PRUNE2: variants seen among roughly 807,000 people sequenced by gnomAD.
The protein encoded by PRUNE2 is prune homolog 2 with BCH domain.
In PRUNE2, 164 loss-of-function variants were observed where a neutral mutation model predicts 252.0. That is an observed-to-expected ratio of 0.65 (90% CI 0.57 to 0.74). PRUNE2 has a LOEUF of 0.74. Among genes scored for constraint, PRUNE2 ranks in the 30% least tolerant of loss-of-function variants. The pLI is 0.00. For synonymous variants in PRUNE2, 1,292 were observed against 1,350.2 expected, an observed-to-expected ratio of 0.96 and a Z score of 0.94; for missense variants, 3,495 against 3,711.0, an observed-to-expected ratio of 0.94 and a Z score of 1.51.
intron 1 of PRUNE2, among the ~76,000 whole-genome samples, chr9:76,890,774 TCA>T (rs2062423642): frequency 6.7e-6 from 1 of 148,370 alleles, no homozygotes; most frequent in Non-Finnish European, 1.5e-5. Flanking sequence ...AAAAAAAAAA[TCA>T]TATTAAGTTT....
intron 6 of PRUNE2, among the ~76,000 whole-genome samples, chr9:76,781,867 G>GAGTC (rs2054441865): frequency 6.6e-6 from 1 of 152,152 alleles, no homozygotes; most frequent in Non-Finnish European, 1.5e-5. Flanking sequence ...AAAATGAATG[G>GAGTC]AGATGTTGGA....
chr9:76,831,462 T>C (rs142581210), intron 4 of PRUNE2, among the ~76,000 whole-genome samples: 1 of 151,870 alleles, frequency 6.6e-6, no homozygotes, highest in Admixed American at 6.6e-5. Flanking sequence ...TTTTAAAGAG[T>C]TTAGAATTAT....
intron 16 of PRUNE2, chr9:76,625,035 T>C: frequency 7.7e-7 from 1 of 1,303,460 alleles, no homozygotes; most frequent in South Asian, 1.2e-5. Context: ...CACACTTCTC[T>C]TATAAGATCT....
chr9:76,704,761 C>T lies in PRUNE2; in HGVS notation c.7513G>A (p.Gly2505Ser). The T allele has an allele frequency of 1.3e-6, 2 of 1,534,712 alleles. No individual in the cohort carries two copies. The highest frequency in any genetic ancestry group is 1.8e-6 in the Non-Finnish European group (2 of 1,135,228). The change falls in exon 8 of 19, where the codon GGT becomes AGT. Residue 2505 changes from glycine (G) to serine (S), a missense_variant and splice_region_variant. Coordinates refer to ENST00000376718, the MANE Select transcript of PRUNE2 (RefSeq NM_015225.3). ...PAGGDIGPPNGASKEISELEE... is the reference protein window; with the variant it reads ...PAGGDIGPPNSASKEISELEE... ...AGTGGAAGAATGGAATGTTTCTTAC[C>T]ATTTGGTGGTCCTATGTCTCCACCT...
In PRUNE2 at chr9:76,708,855, T is replaced by G; in HGVS notation, c.3419A>C (p.Asp1140Ala). 6.2e-7 allele frequency: 1 copy of G among 1,613,922 alleles called. No individual in the cohort carries two copies. Among genetic ancestry groups the G allele is most frequent in the Non-Finnish European group, 8.5e-7 (1 of 1,179,866 alleles). ...SDMDNDLDWD[D>A]CSGGAAIPSD... ...GGGGATTGCCGCACCCCCACTGCAGTCATCCCAGTCCAAATCATTGTCCAT... is the reference window on the plus strand; with the variant it reads ...GGGGATTGCCGCACCCCCACTGCAGGCATCCCAGTCCAAATCATTGTCCAT... Residue 1140 changes from aspartate (D) to alanine (A), a missense_variant, in exon 8 of 19, where the codon GAC (aspartate) becomes GCC (alanine). Asp to Ala is a moderately radical substitution (Grantham distance 126). Transcript: ENST00000376718.
At chr9:76,870,105 T>C (rs2061097807) in intron 1 of PRUNE2, among the ~76,000 whole-genome samples, 1 of 152,150 alleles carries the variant, frequency 6.6e-6, no homozygotes, top group African/African-American at 2.4e-5. Context: ...AATAAAAAAA[T>C]ACATATCCAG....
At position 76,739,744 on chromosome 9, in the gene PRUNE2, TCA is replaced by T. The variant is rs998342684; in HGVS notation, c.757-26025_757-26024del. 7.9e-5 allele frequency: 12 copies of T among 152,138 alleles called. 1 individual carries two copies. The highest frequency in any genetic ancestry group is 2.0e-4 in the Admixed American group (3 of 15,282). 9.4% of individuals were successfully genotyped at this position (152,138 alleles called of 1,614,324 possible). The stretch of plus-strand genomic sequence containing the variant: ...TAGAGTTTTCGGAACTCTTTAGATT[TCA>T]AAATTGTAGATGGGGGACTACAGAC... On this transcript the variant is annotated intron_variant, in intron 6 of 18. Coordinates refer to ENST00000376718, the MANE Select transcript of PRUNE2 (RefSeq NM_015225.3).
At chr9:76,660,092 A>G (rs1850699492) in intron 9 of PRUNE2, among the ~76,000 whole-genome samples, 1 of 152,186 alleles carries the variant, frequency 6.6e-6, no homozygotes, top group African/African-American at 2.4e-5. Flanking sequence ...GCTTAAAAAA[A>G]TAAGATTAAG....
chr9:76,670,614 AAAAG>A (rs1426237259), intron 9 of PRUNE2, among the ~76,000 whole-genome samples: 1 of 152,198 alleles, frequency 6.6e-6, no homozygotes, highest in East Asian at 1.9e-4. Context: ...CAGACAAACA[AAAAG>A]AAAGCAGTAA....
intron 6 of PRUNE2, among the ~76,000 whole-genome samples, chr9:76,768,336 G>T (rs2052661700): frequency 6.6e-6 from 1 of 152,130 alleles, no homozygotes; most frequent in Admixed American, 6.6e-5. Context: ...GGGATTACAG[G>T]CCTGCGCCAC....
At chr9:76,686,178 C>T (rs1337616183) in intron 9 of PRUNE2, among the ~76,000 whole-genome samples, 1 of 152,176 alleles carries the variant, frequency 6.6e-6, no homozygotes, top group South Asian at 2.1e-4. Flanking sequence ...AACAGATATT[C>T]AGGGAAGAAA....
intron 4 of PRUNE2, among the ~76,000 whole-genome samples, chr9:76,836,314 A>G (rs377315481): frequency 9.2e-6 from 1 of 109,244 alleles, no homozygotes; most frequent in East Asian, 2.5e-4. Context: ...CCATGACTGT[A>G]TGATGTGACT....
chr9:76,706,253 C>T lies in PRUNE2; in HGVS notation c.6021G>A (p.Glu2007=), dbSNP rs1268437927. The T allele has an allele frequency of 6.2e-7, 1 of 1,614,012 alleles. No homozygotes were observed. Among genetic ancestry groups the T allele is most frequent in the East Asian group, 2.2e-5 (1 of 44,882 alleles). ...QWEQEKSYLG[E]MTNSSIATEN... is the part of the protein sequence containing the mutation. ...CTGTGGCAATGCTTGAATTTGTCAT[C>T]TCACCTAGGTATGATTTTTCTTGTT... Residue 2007 remains glutamate (E), a synonymous_variant, in exon 8 of 19, where the codon GAG becomes GAA. Transcript: ENST00000376718.
chr9:76,642,058 G>T, intron 12 of PRUNE2: 2 of 1,056,678 alleles, frequency 1.9e-6, no homozygotes, highest in Non-Finnish European at 2.7e-6. Flanking sequence ...AAATTACTTG[G>T]CATTATTGTT....
chr9:76,647,228 T>C (rs1171262798), intron 11 of PRUNE2, among the ~76,000 whole-genome samples: 2 of 152,174 alleles, frequency 1.3e-5, no homozygotes, highest in Non-Finnish European at 2.9e-5. Flanking sequence ...GTAAAACACA[T>C]ATCACATAAA....
intron 14 of PRUNE2, among the ~76,000 whole-genome samples, chr9:76,637,001 G>GTA (rs1470419806): frequency 1.3e-5 from 2 of 149,862 alleles, no homozygotes; most frequent in Non-Finnish European, 3.0e-5. Flanking sequence ...GTGTGTGTGT[G>GTA]TGTGTGTGTA....
intron 16 of PRUNE2, among the ~76,000 whole-genome samples, chr9:76,627,465 C>A (rs1329352803): frequency 2.0e-5 from 3 of 151,918 alleles, no homozygotes; most frequent in African/African-American, 4.8e-5. Flanking sequence ...CGGAGTACAC[C>A]TTTTTGAGGC....
intron 9 of PRUNE2, among the ~76,000 whole-genome samples, chr9:76,699,033 A>ACCCCAC (rs1408220804): frequency 1.6e-4 from 7 of 43,204 alleles, no homozygotes; most frequent in Non-Finnish European, 3.2e-4. Context: ...CTCCTTCCCC[A>ACCCCAC]CCCCACCCCC....
At chr9:76,641,227 T>A (rs775240345) in intron 12 of PRUNE2, among the ~76,000 whole-genome samples, 15 of 152,130 alleles carry the variant, frequency 9.9e-5, no homozygotes, top group Non-Finnish European at 2.1e-4. Flanking sequence ...AATTTATAAA[T>A]GAAAATGTGT....
Sources: gnomAD v4.1 joint callset for allele counts (sites outside exome capture counted in the v4.1 genomes callset) on GRCh38, gnomAD v4.1.1 for gene constraint, MANE v1.5 for transcripts, NCBI Gene and HGNC (gene_info 2026-07-23, HGNC 2026-07-21) for gene names.